PITRM1: variants seen among roughly 807,000 people sequenced by gnomAD.
PITRM1 encodes pitrilysin metallopeptidase 1.
A neutral mutation model predicts 129.9 loss-of-function variants in PITRM1; 100 were observed. The observed-to-expected ratio is 0.77, with a 90% CI of 0.65 to 0.91. The LOEUF is 0.91. PITRM1 is among the 40% of genes least tolerant of loss of function. The pLI, the probability that PITRM1 is intolerant of heterozygous loss-of-function variation, is 0.00. For synonymous variants in PITRM1, 591 were observed against 508.8 expected (o/e 1.16, Z -2.17); for missense variants, 1,471 against 1,318.3 (o/e 1.12, Z -1.79).
chr10:3,138,002 G>A lies in PITRM1; in HGVS notation c.*29C>T. 1 of 1,324,736 alleles carries A rather than the reference G, an allele frequency of 7.5e-7. No individual in the cohort carries two copies. The highest frequency in any genetic ancestry group is 1.2e-5 in the South Asian group (1 of 80,930). 82.1% of individuals were successfully genotyped at this position (1,324,736 alleles called of 1,614,324 possible). On this transcript the variant is annotated 3_prime_UTR_variant, in exon 27 of 27. Coordinates refer to ENST00000224949, the MANE Select transcript of PITRM1 (RefSeq NM_014889.4). ...TCAGCTCGGAGGTGTATTGTCTCGG[G>A]CTCCTGTGCAGTCGAGCGCCACGGC...
At chr10:3,145,535 C>T in intron 21 of PITRM1, 61 bp downstream of exon 21, 13 of 1,447,820 alleles carry the variant, frequency 9.0e-6, no homozygotes, top group African/African-American at 1.4e-5. Context: ...GCGTGTAAAA[C>T]ATGAGAGCTG....
chr10:3,159,021 G>A lies in PITRM1; in HGVS notation c.1029C>T (p.Ala343=). 2 of 1,612,908 alleles carry A rather than the reference G, an allele frequency of 1.2e-6. No homozygotes were observed. Among genetic ancestry groups the A allele is most frequent in the Non-Finnish European group, 8.5e-7 (1 of 1,179,358 alleles). ...LLPDITDTFE[A]FTLSLLSSLL... Reference sequence around the variant, plus strand: ...GTGAAGACAGAAGACTTAATGTGAAGGCTTCAAATGTGTCGGTGATGCTGC... The same window carrying A: ...GTGAAGACAGAAGACTTAATGTGAAAGCTTCAAATGTGTCGGTGATGCTGC... The change falls in exon 10 of 27, where the codon GCC becomes GCT. Residue 343 remains alanine, a synonymous_variant. Transcript: ENST00000224949.
Position 3,138,239 on chromosome 10 carries a change from C to A in PITRM1, c.3016G>T (p.Asp1006Tyr). 2 of 1,612,194 alleles carry A rather than the reference C, an allele frequency of 1.2e-6. No homozygotes were observed. Among genetic ancestry groups the A allele is most frequent in the Non-Finnish European group, 1.7e-6 (2 of 1,178,220 alleles). Residue 1006 changes from aspartate (D) to tyrosine (Y), a missense_variant, in exon 26 of 27, where the codon GAT (aspartate) becomes TAT (tyrosine). Coordinates refer to ENST00000224949, the MANE Select transcript of PITRM1 (RefSeq NM_014889.4). ...TCTCCCCCGCTCCCCACTCACCTAT[C>A]GCTCACGGCCAGGAGCTTGTCGTGG... ...VSHDKLLAVS[D>Y]RYLGTGKSTH...
intron 16 of PITRM1, 82 bp from the exon 17 acceptor site, chr10:3,148,373 A>G: frequency 2.0e-6 from 3 of 1,499,096 alleles, no homozygotes; most frequent in Non-Finnish European, 2.7e-6. Context: ...TTGAGTTACA[A>G]GTTGCTTCCA....
intron 14 of PITRM1, 144 bp from the exon 15 acceptor site, chr10:3,151,507 G>C: frequency 1.6e-6 from 1 of 612,744 alleles, no homozygotes; most frequent in South Asian, 1.9e-5. Flanking sequence ...GGTTTGCAAA[G>C]TATCTCCTAT....
chr10:3,172,700 C>G lies in PITRM1; in HGVS notation c.56+17G>C. On this transcript the variant is annotated intron_variant, in intron 1 of 26. Transcript: ENST00000224949. ...CGGGTACCAGCGCGCCGAGCGCCTC[C>G]CGTCGCAGCGTCTCACCCGCCGCTC... The G allele has an allele frequency of 6.5e-7, 1 of 1,534,798 alleles. No individual in the cohort carries two copies. The highest frequency in any genetic ancestry group is 8.8e-7 in the Non-Finnish European group (1 of 1,141,680).
At position 3,144,620 on chromosome 10, in the gene PITRM1, T is replaced by C. The variant is rs927156726; in HGVS notation, c.2458-254A>G. Among the ~76,000 whole-genome samples the C allele has an allele frequency of 2.0e-5, 3 of 152,108 alleles. No individual in the cohort carries two copies. The East Asian group carries it at 5.8e-4, about 29-fold the overall frequency. The stretch of plus-strand genomic sequence containing the variant: ...GAGTCTGAGACCAGCCTGGGCAATG[T>C]AGTGAGCTCCCATCTCAACAAAAAA... On this transcript the variant is annotated intron_variant, in intron 21 of 26. Coordinates refer to ENST00000224949, the MANE Select transcript of PITRM1 (RefSeq NM_014889.4).
In PITRM1 at chr10:3,147,262, G is replaced by A. The variant is rs748432611; in HGVS notation, c.2236-12C>T. ...TTCATCAGCCGCACCTAAGCCAGAG[G>A]AAACTCGCTCAGAGAGAGGCAGAGG... is the stretch of plus-strand genomic sequence containing the variant. On this transcript the variant is annotated splice_polypyrimidine_tract_variant and intron_variant, in intron 19 of 26. Coordinates refer to ENST00000224949, the MANE Select transcript of PITRM1 (RefSeq NM_014889.4). 48 of 1,592,728 alleles carry A rather than the reference G, an allele frequency of 3.0e-5. No individual in the cohort carries two copies. In the East Asian group the frequency reaches 1.0e-3, roughly 33 times the overall value.
At position 3,163,715 on chromosome 10, in the gene PITRM1, A is replaced by G; in HGVS notation, c.791+10T>C. ...CAATCCACCATCAAACTTTTCCAACAAAATATTACCTAGCATTGCTTGGGT... is the reference window on the plus strand; with the variant it reads ...CAATCCACCATCAAACTTTTCCAACGAAATATTACCTAGCATTGCTTGGGT... On this transcript the variant is annotated intron_variant, in intron 7 of 26. Transcript: ENST00000224949. The G allele has an allele frequency of 6.3e-7, 1 of 1,584,488 alleles. No individual in the cohort carries two copies. The highest frequency in any genetic ancestry group is 1.2e-5 in the South Asian group (1 of 86,486).
In PITRM1 at chr10:3,166,972, A is replaced by G. The variant is rs1842918134; in HGVS notation, c.230T>C (p.Leu77Ser). The G allele has an allele frequency of 3.1e-6, 5 of 1,610,454 alleles. No individual in the cohort carries two copies. Among genetic ancestry groups the G allele is most frequent in the Non-Finnish European group, 4.2e-6 (5 of 1,177,704 alleles). ...LTHDDTGARY[L>S]HLAREDTNNL... ...ATTCGTGTCTTCTCTGGCCAGGTGT[A>G]AATACCTGGCTCCTGTGTCATCATG... is the stretch of plus-strand genomic sequence containing the variant. Residue 77 changes from leucine (L) to serine (S), a missense_variant, in exon 3 of 27, where the codon TTA (leucine) becomes TCA (serine). Transcript: ENST00000224949.
In PITRM1 at chr10:3,138,094, G is replaced by T. The variant is rs1357694137; in HGVS notation, c.3051C>A (p.Gly1017=). 2.5e-6 allele frequency: 4 copies of T among 1,610,446 alleles called. No homozygotes were observed. The highest frequency in any genetic ancestry group is 3.4e-6 in the Non-Finnish European group (4 of 1,178,550). ...RYLGTGKSTH[G]LAILGPENPK... Reference sequence around the variant, plus strand: ...GGTTCTCGGGTCCGAGGATGGCCAGGCCGTGTGTGCTCTTCCCAGTGCCGA... The same window carrying T: ...GGTTCTCGGGTCCGAGGATGGCCAGTCCGTGTGTGCTCTTCCCAGTGCCGA... The change falls in exon 27 of 27, where the codon GGC becomes GGA. Residue 1017 remains glycine, a synonymous_variant. Coordinates refer to ENST00000224949, the MANE Select transcript of PITRM1 (RefSeq NM_014889.4).
rs890494533 is a variant in PITRM1 at position 3,147,408 on chromosome 10, A to G, written c.2236-158T>C. 12 of 964,856 alleles carry G rather than the reference A, an allele frequency of 1.2e-5. No individual in the cohort carries two copies. The East Asian group carries it at 1.7e-4, about 14-fold the overall frequency. 59.8% of individuals were successfully genotyped at this position (964,856 alleles called of 1,614,324 possible). ...CTGGAACTGGGATGCAGGGTGGTAC[A>G]AAGAGGAAGATGAGTCAAAACCAAC... On this transcript the variant is annotated intron_variant, in intron 19 of 26. Coordinates refer to ENST00000224949, the MANE Select transcript of PITRM1 (RefSeq NM_014889.4).
Position 3,172,780 on chromosome 10 carries a change from G to T in PITRM1, c.-8C>A, listed in dbSNP as rs749429585. On this transcript the variant is annotated 5_prime_UTR_variant, in exon 1 of 27. Transcript: ENST00000224949. ...CCCGCCGCAGCGCCACATTGCGCAT[G>T]ACGAGCACCTGGCTGGCGAGGAACC... 2 of 1,542,648 alleles carry T rather than the reference G, an allele frequency of 1.3e-6. No individual in the cohort carries two copies. The highest frequency in any genetic ancestry group is 1.2e-5 in the South Asian group (1 of 83,548).
chr10:3,137,944 G>A lies in PITRM1; in HGVS notation c.*87C>T, dbSNP rs528398142. ...CGACACTCAATGACATAATATTCTTGGAAAAAGCAGTAGCATTTCTGACTT... is the reference window on the plus strand; with the variant it reads ...CGACACTCAATGACATAATATTCTTAGAAAAAGCAGTAGCATTTCTGACTT... On this transcript the variant is annotated 3_prime_UTR_variant, in exon 27 of 27. Transcript: ENST00000224949. 3.6e-5 allele frequency: 28 copies of A among 783,992 alleles called. No individual in the cohort carries two copies. Among genetic ancestry groups the A allele is most frequent in the Middle Eastern group, 6.7e-4 (2 of 2,984 alleles). 48.6% of individuals were successfully genotyped at this position (783,992 alleles called of 1,614,324 possible).
chr10:3,137,843 G>C lies in PITRM1; in HGVS notation c.*188C>G, dbSNP rs543602699. 2 of 579,980 alleles carry C rather than the reference G, an allele frequency of 3.4e-6. No individual in the cohort carries two copies. Among genetic ancestry groups the C allele is most frequent in the Non-Finnish European group, 6.2e-6 (2 of 324,806 alleles). 35.9% of individuals were successfully genotyped at this position (579,980 alleles called of 1,614,324 possible). A position where few individuals can be genotyped will look rare whatever the true frequency, so the allele number is the denominator to read the frequency against. Reference sequence around the variant, plus strand: ...GGTGCATCTTTGGCGCTTCATGCATGATTATTTCAATGAACCTCTTCCTGG... The same window carrying C: ...GGTGCATCTTTGGCGCTTCATGCATCATTATTTCAATGAACCTCTTCCTGG... On this transcript the variant is annotated 3_prime_UTR_variant, in exon 27 of 27. Transcript: ENST00000224949.
intron 22 of PITRM1, 32 bp downstream of exon 22, chr10:3,144,260 C>G (rs372799723): frequency 7.3e-7 from 1 of 1,378,954 alleles, no homozygotes; most frequent in Non-Finnish European, 1.0e-6. Flanking sequence ...AGCACCCACC[C>G]GCTGGCAACC....
At position 3,157,551 on chromosome 10, in the gene PITRM1, A is replaced by C. The variant is rs750526883; in HGVS notation, c.1251-20T>G. 2 of 1,472,078 alleles carry C rather than the reference A, an allele frequency of 1.4e-6. No individual in the cohort carries two copies. Among genetic ancestry groups the C allele is most frequent in the Non-Finnish European group, 1.9e-6 (2 of 1,060,080 alleles). The allele number at this position is 1,472,078 out of a possible 1,614,324, so 91.2% of individuals were successfully genotyped here. A position where few individuals can be genotyped will look rare whatever the true frequency, so the allele number is the denominator to read the frequency against. Reference sequence around the variant, plus strand: ...CCTTTCCTAAAGAATACAATGAAGAACAAAGATGGGCCAGACACAATGGCT... The same window carrying C: ...CCTTTCCTAAAGAATACAATGAAGACCAAAGATGGGCCAGACACAATGGCT... On this transcript the variant is annotated intron_variant, in intron 11 of 26. Coordinates refer to ENST00000224949, the MANE Select transcript of PITRM1 (RefSeq NM_014889.4).
rs753750154 is a variant in PITRM1 at position 3,159,060 on chromosome 10, G to A, written c.1008-18C>T. On this transcript the variant is annotated intron_variant, in intron 9 of 26. Transcript: ENST00000224949. ...CGGTGATGCTGCATTGAAAAAAAAA[G>A]GAACGGGGAGGTAAGAAAAGAGTAA... 3.1e-6 allele frequency: 5 copies of A among 1,589,752 alleles called. No individual in the cohort carries two copies. In the East Asian group the frequency reaches 1.1e-4, roughly 36 times the overall value.
intron 6 of PITRM1, 67 bp downstream of exon 6, chr10:3,165,171 T>A: frequency 9.4e-7 from 1 of 1,065,650 alleles, no homozygotes; most frequent in Non-Finnish European, 1.4e-6. Flanking sequence ...TCCAGATGTG[T>A]CTATATCATG....
Sources: gnomAD v4.1 joint callset for allele counts (sites outside exome capture counted in the v4.1 genomes callset) on GRCh38, gnomAD v4.1.1 for gene constraint, MANE v1.5 for transcripts, NCBI Gene and HGNC (gene_info 2026-07-23, HGNC 2026-07-21) for gene names.